The following QDPR variants were observed in gnomAD, a reference collection of about 807,000 sequenced individuals.
QDPR encodes the protein quinoid dihydropteridine reductase, also known as dihydropteridine reductase.
QDPR carries 23 observed loss-of-function variants against 31.7 expected under a neutral mutation model. The ratio of observed to expected loss-of-function variants is 0.73; its 90% CI spans 0.52 to 1.03. QDPR has a LOEUF of 1.03. Ranked by LOEUF, QDPR falls within the 50% of genes least tolerant of loss-of-function variation. The pLI, the probability that QDPR is intolerant of heterozygous loss-of-function variation, is 0.00. For missense variants in QDPR, 324 were observed against 323.8 expected (o/e 1.00, Z 0.00); for synonymous variants, 124 against 124.7 (o/e 0.99, Z 0.03).
At chr4:17,495,591 C>T (rs754141288) in intron 4 of QDPR, among the ~76,000 whole-genome samples, 1 of 152,184 alleles carries the variant, frequency 6.6e-6, no homozygotes, top group East Asian at 1.9e-4. Flanking sequence ...CGACATGAAA[C>T]GTGACACATC....
At chr4:17,507,977 G>C (rs1266697947) in intron 2 of QDPR, among the ~76,000 whole-genome samples, 1 of 152,200 alleles carries the variant, frequency 6.6e-6, no homozygotes, top group Non-Finnish European at 1.5e-5. Context: ...ATGATACTAT[G>C]ATGGGGAGAA....
chr4:17,487,091 G>C lies in QDPR; in HGVS notation c.*40C>G. On this transcript the variant is annotated 3_prime_UTR_variant, in exon 7 of 7. Transcript: ENST00000281243. ...CAAGGCCACACTGAGACAGGTTAGT[G>C]ACTTTTCTGGCAGGCCCCTCATAGG... is the stretch of plus-strand genomic sequence containing the variant. The C allele has an allele frequency of 6.6e-7, 1 of 1,523,746 alleles. No individual in the cohort carries two copies. Among genetic ancestry groups the C allele is most frequent in the South Asian group, 1.1e-5 (1 of 89,170 alleles). 94.4% of individuals were successfully genotyped at this position (1,523,746 alleles called of 1,614,324 possible). A position where few individuals can be genotyped will look rare whatever the true frequency, so the allele number is the denominator to read the frequency against.
rs181783313 is a variant in QDPR, at chr4:17,507,568, A to G, written c.198+1703T>C. ...ACCAGAAGGGCTTCTCAAGAAAGTT[A>G]AGCACTGCTTAAGAGCATCAAAGAT... On this transcript the variant is annotated intron_variant, in intron 2 of 6. Transcript: ENST00000281243. Among the ~76,000 whole-genome samples, 490 of 151,846 alleles carry G rather than the reference A, an allele frequency of 3.2e-3. 3 individuals are homozygous for G. Among genetic ancestry groups the G allele is most frequent in the Non-Finnish European group, 2.4e-3 (164 of 67,948 alleles).
intron 3 of QDPR, among the ~76,000 whole-genome samples, chr4:17,502,242 G>T (rs1329486289): frequency 6.6e-6 from 1 of 152,086 alleles, no homozygotes; most frequent in Non-Finnish European, 1.5e-5. Flanking sequence ...AAATCCAAGG[G>T]CCTATTACTG....
chr4:17,509,014 TG>T (rs1212284189), intron 2 of QDPR, among the ~76,000 whole-genome samples: 3 of 151,962 alleles, frequency 2.0e-5, no homozygotes, highest in African/African-American at 7.3e-5. Flanking sequence ...AAAAATTAGC[TG>T]GGGGTGGTGG....
At chr4:17,502,341 A>C (rs905908093) in intron 3 of QDPR, among the ~76,000 whole-genome samples, 4 of 152,234 alleles carry the variant, frequency 2.6e-5, no homozygotes, top group Non-Finnish European at 4.4e-5. Context: ...AAGAAAGCTA[A>C]AATAACAACC....
chr4:17,504,252 G>T, intron 3 of QDPR, 127 bp downstream of exon 3: 1 of 786,614 alleles, frequency 1.3e-6, no homozygotes, highest in South Asian at 1.5e-5. Context: ...CTCTCTCCCC[G>T]AGCAACTGTA....
chr4:17,500,157 G>A (rs747677754), intron 4 of QDPR, among the ~76,000 whole-genome samples: 2 of 152,046 alleles, frequency 1.3e-5, no homozygotes, highest in East Asian at 1.9e-4. Flanking sequence ...GGGTTTCATC[G>A]TGTTAGCCAG....
At position 17,511,914 on chromosome 4, in the gene QDPR, C is replaced by T. The variant is rs371373796; in HGVS notation, c.105+36G>A. The T allele has an allele frequency of 4.7e-4, 751 of 1,597,328 alleles. 2 individuals carry two copies. Among genetic ancestry groups the T allele is most frequent in the Non-Finnish European group, 5.7e-4 (672 of 1,172,320 alleles). ...TCCACACGAAAGCCCCCGGCCACCC[C>T]CGCGGAGACCCAGCAGCCCCAGCCC... On this transcript the variant is annotated intron_variant, in intron 1 of 6. Coordinates refer to ENST00000281243, the MANE Select transcript of QDPR (RefSeq NM_000320.3).
intron 2 of QDPR, among the ~76,000 whole-genome samples, chr4:17,508,482 T>C (rs565991177): frequency 1.3e-5 from 2 of 152,216 alleles, no homozygotes; most frequent in East Asian, 3.9e-4. Flanking sequence ...AAGACGTTCA[T>C]CACAACATTC....
At chr4:17,504,291 G>T in intron 3 of QDPR, 88 bp downstream of exon 3, 1 of 1,105,902 alleles carries the variant, frequency 9.0e-7, no homozygotes, top group Non-Finnish European at 1.4e-6. Context: ...CAAAAAAACA[G>T]CTGGCCTGTC....
intron 1 of QDPR, 51 bp from the exon 2 acceptor site, chr4:17,509,414 G>GA: frequency 6.6e-7 from 1 of 1,508,484 alleles, no homozygotes; most frequent in Non-Finnish European, 9.2e-7. Context: ...GTTATTCCAT[G>GA]AAAGAGTCAC....
At chr4:17,497,522 A>G (rs1257764122) in intron 4 of QDPR, among the ~76,000 whole-genome samples, 1 of 78,692 alleles carries the variant, frequency 1.3e-5, no homozygotes, top group Non-Finnish European at 3.3e-5. Context: ...TATTATCTCT[A>G]TATAATTATA....
intron 2 of QDPR, among the ~76,000 whole-genome samples, chr4:17,507,232 CACT>C (rs1171360410): frequency 1.3e-5 from 2 of 152,160 alleles, no homozygotes; most frequent in Non-Finnish European, 2.9e-5. Context: ...CTGACTCCAC[CACT>C]GAGTAGCTTG....
At position 17,486,558 on chromosome 4, in the gene QDPR, G is replaced by C. The variant is rs1445093980; in HGVS notation, c.*573C>G. ...GACAGACAACAAGTGCATTTATTAG[G>C]AACAACATTCTGAATACTCACGAGT... On this transcript the variant is annotated 3_prime_UTR_variant, in exon 7 of 7. Coordinates refer to ENST00000281243, the MANE Select transcript of QDPR (RefSeq NM_000320.3). 6.4e-6 allele frequency: 1 copy of C among 156,594 alleles called. No individual in the cohort carries two copies. Among genetic ancestry groups the C allele is most frequent in the Admixed American group, 6.1e-5 (1 of 16,456 alleles). 9.7% of individuals were successfully genotyped at this position (156,594 alleles called of 1,614,324 possible).
intron 2 of QDPR, 116 bp from the exon 3 acceptor site, chr4:17,504,591 G>A: frequency 1.2e-6 from 1 of 818,004 alleles, no homozygotes; most frequent in Middle Eastern, 2.2e-4. Flanking sequence ...ACAGTACCTG[G>A]CAATTAATGC....
At chr4:17,502,568 A>G (rs920135081) in intron 3 of QDPR, among the ~76,000 whole-genome samples, 2 of 152,194 alleles carry the variant, frequency 1.3e-5, no homozygotes, top group African/African-American at 4.8e-5. Flanking sequence ...ATGGATCCAC[A>G]TTTATCATTT....
In QDPR at chr4:17,512,014, A is replaced by G. The variant is rs756639609; in HGVS notation, c.41T>C (p.Leu14Pro). The change falls in exon 1 of 7, where the codon CTG (leucine) becomes CCG (proline). Residue 14 changes from leucine to proline, a missense_variant. Coordinates refer to ENST00000281243, the MANE Select transcript of QDPR (RefSeq NM_000320.3). The stretch of plus-strand genomic sequence containing the variant: ...CAGAGCGCCCCTGCCGCCGTACACC[A>G]GCACCCGGCGCGCCTCGCCTGCAGC... ...AAAAGEARRV[L>P]VYGGRGALGS... The G allele has an allele frequency of 3.7e-6, 6 of 1,607,804 alleles. No individual in the cohort carries two copies. Among genetic ancestry groups the G allele is most frequent in the Non-Finnish European group, 5.1e-6 (6 of 1,177,936 alleles).
chr4:17,509,074 C>T (rs969510147), intron 2 of QDPR, among the ~76,000 whole-genome samples, 197 bp downstream of exon 2: 4 of 152,138 alleles, frequency 2.6e-5, no homozygotes, highest in African/African-American at 7.2e-5. Flanking sequence ...AGGAGAATTG[C>T]TTCAACCCAG....
Sources: allele counts gnomAD v4.1 joint callset (sites outside exome capture counted in the v4.1 genomes callset), GRCh38; gene constraint gnomAD v4.1.1; transcripts MANE v1.5; gene names NCBI Gene and HGNC (gene_info 2026-07-23, HGNC 2026-07-21).